GRIK5: variants seen among roughly 807,000 people sequenced by gnomAD.
The protein encoded by GRIK5 is glutamate ionotropic receptor kainate type subunit 5.
GRIK5 carries 43 observed loss-of-function variants against 97.4 expected under a neutral mutation model. The observed-to-expected ratio is 0.44, with a 90% CI of 0.35 to 0.57. The LOEUF (loss-of-function observed/expected upper bound fraction) is 0.57, where lower values mean the gene tolerates loss of function less well. Among genes scored for constraint, GRIK5 ranks in the 20% least tolerant of loss-of-function variants. The pLI, the probability that GRIK5 is intolerant of heterozygous loss-of-function variation, is 0.01. For missense variants in GRIK5, 1,015 were observed against 1,382.0 expected (o/e 0.73, Z 4.21); for synonymous variants, 580 against 583.5 (o/e 0.99, Z 0.09).
At chr19:42,059,764 C>T (rs868693528) in intron 5 of GRIK5, among the ~76,000 whole-genome samples, 1 of 152,130 alleles carries the variant, frequency 6.6e-6, no homozygotes, top group African/African-American at 2.4e-5. Context: ...CTGCCACCTT[C>T]CTGACCCCTC....
intron 15 of GRIK5, among the ~76,000 whole-genome samples, chr19:42,015,956 G>A (rs1213919995): frequency 1.3e-5 from 2 of 152,174 alleles, no homozygotes; most frequent in Non-Finnish European, 2.9e-5. Flanking sequence ...GCTATGCTAG[G>A]CACTGGGATG....
At chr19:42,059,589 C>T in intron 5 of GRIK5, 62 bp from the exon 6 acceptor site, 1 of 1,383,216 alleles carries the variant, frequency 7.2e-7, no homozygotes, top group East Asian at 2.3e-5. Context: ...GGCGTAGACA[C>T]TCTCTCCTCC....
chr19:42,001,592 T>C (rs1555870916), intron 19 of GRIK5, among the ~76,000 whole-genome samples: 1 of 152,074 alleles, frequency 6.6e-6, no homozygotes, highest in Non-Finnish European at 1.5e-5. Flanking sequence ...GAAACTAAAA[T>C]CCCATGGGGA....
intron 12 of GRIK5, among the ~76,000 whole-genome samples, chr19:42,028,161 C>T (rs1018020651): frequency 4.6e-5 from 7 of 152,136 alleles, no homozygotes; most frequent in African/African-American, 1.4e-4. Context: ...GATGACTTCC[C>T]CACCCTGACA....
intron 5 of GRIK5, 77 bp from the exon 6 acceptor site, chr19:42,059,604 C>G: frequency 7.9e-7 from 1 of 1,269,190 alleles, no homozygotes; most frequent in Non-Finnish European, 1.1e-6. Flanking sequence ...TCCTCCTCAA[C>G]ATGGGGCAGC....
chr19:42,065,740 C>A lies in GRIK5; in HGVS notation c.31G>T (p.Val11Phe), dbSNP rs199746652. 6.0e-5 allele frequency: 95 copies of A among 1,596,300 alleles called. No homozygotes were observed. The highest frequency in any genetic ancestry group is 5.2e-4 in the Middle Eastern group (3 of 5,810). Residue 11 changes from valine (V) to phenylalanine (F), a missense_variant, in exon 2 of 20, where the codon GTT becomes TTT. By Grantham distance (50) the Val-to-Phe change is conservative. Coordinates refer to ENST00000593562, the MANE Select transcript of GRIK5 (RefSeq NM_002088.5). This position sits in a 1 kb window ranked among gnomAD's most constrained non-coding sequence, Gnocchi z 5.8. ...TGGCAGCTGGGGCTGGCGAAGGCAA[C>A]AATCAGCAGCAGCAGCAGCTCAGCC... MPAELLLLLI[V>F]AFASPSCQVL...
intron 11 of GRIK5, among the ~76,000 whole-genome samples, chr19:42,046,298 G>A (rs988259872): frequency 6.6e-6 from 1 of 152,076 alleles, no homozygotes; most frequent in African/African-American, 2.4e-5. Context: ...AAAGAGACTG[G>A]GGCCTGTGAA....
Position 41,998,959 on chromosome 19 carries a change from C to G in GRIK5, c.2855G>C (p.Arg952Pro). 2 of 1,143,900 alleles carry G rather than the reference C, an allele frequency of 1.7e-6. No homozygotes were observed. The highest frequency in any genetic ancestry group is 2.1e-6 in the Non-Finnish European group (2 of 931,440). 70.9% of individuals were successfully genotyped at this position (1,143,900 alleles called of 1,614,324 possible). A position where few individuals can be genotyped will look rare whatever the true frequency, so the allele number is the denominator to read the frequency against. ...GGCTTCGGCGGGGACGCCCAGGCCA[C>G]GCGGAGGCGCGCCGGCCCCCGAGGC... The part of the protein sequence containing the change: ...LRASGAGAPP[R>P]GLGVPAEATS... Residue 952 changes from arginine (R) to proline (P), a missense_variant, in exon 20 of 20, where the codon CGT (arginine) becomes CCT (proline). Physicochemically the swap from Arg to Pro is moderately radical, Grantham distance 103. Coordinates refer to ENST00000593562, the MANE Select transcript of GRIK5 (RefSeq NM_002088.5).
intron 5 of GRIK5, among the ~76,000 whole-genome samples, chr19:42,060,774 T>C (rs938030171): frequency 6.6e-6 from 1 of 151,048 alleles, no homozygotes; most frequent in Non-Finnish European, 1.5e-5. Flanking sequence ...CTCCTTCCCC[T>C]CCTCCAGGTC....
At chr19:42,034,384 AAAT>A (rs753803859) in intron 12 of GRIK5, among the ~76,000 whole-genome samples, 1 of 152,122 alleles carries the variant, frequency 6.6e-6, no homozygotes, top group African/African-American at 2.4e-5. Flanking sequence ...AAAAACTAAA[AAAT>A]AATAATAAAA....
At chr19:42,038,618 C>G (rs2075938124) in intron 12 of GRIK5, among the ~76,000 whole-genome samples, 2 of 152,250 alleles carry the variant, frequency 1.3e-5, no homozygotes, top group Non-Finnish European at 2.9e-5. Context: ...TTCCCAAGTT[C>G]CCAGCTGGAG....
At chr19:42,048,543 C>G (rs1488931936) in intron 11 of GRIK5, among the ~76,000 whole-genome samples, 1 of 152,160 alleles carries the variant, frequency 6.6e-6, no homozygotes, top group South Asian at 2.1e-4. Context: ...TGGCGTGAAC[C>G]GAGGAGGCAG....
Position 42,003,205 on chromosome 19 carries a change from G to A in GRIK5, c.2514+127C>T, listed in dbSNP as rs2075444406. 1.2e-6 allele frequency: 1 copy of A among 803,262 alleles called. No homozygotes were observed. The highest frequency in any genetic ancestry group is 2.0e-6 in the Non-Finnish European group (1 of 496,086). 49.8% of individuals were successfully genotyped at this position (803,262 alleles called of 1,614,324 possible). ...CAGCTCTCTTACTTCCCCACCTCCT[G>A]CATTCCTCTGCCCCCTTCTCGCGAT... On this transcript the variant is annotated intron_variant, in intron 19 of 19. Coordinates refer to ENST00000593562, the MANE Select transcript of GRIK5 (RefSeq NM_002088.5). This position sits in a 1 kb window ranked among gnomAD's most constrained non-coding sequence, Gnocchi z 4.2.
Position 42,042,535 on chromosome 19 carries a change from C to A in GRIK5, c.1473+17G>T. On this transcript the variant is annotated intron_variant, in intron 12 of 19. Coordinates refer to ENST00000593562, the MANE Select transcript of GRIK5 (RefSeq NM_002088.5). The surrounding 1 kb of genome is among the most constrained non-coding windows in gnomAD (Gnocchi z 6.9). ...CGCCGGGTCCATGCATCTTTCCCGG[C>A]CCCAGTCCAGCCATACCCGGTTGAT... is the stretch of plus-strand genomic sequence containing the variant. 1.3e-6 allele frequency: 2 copies of A among 1,595,722 alleles called. No homozygotes were observed.
chr19:42,054,571 C>G (rs1283581910), intron 8 of GRIK5, 99 bp from the exon 9 acceptor site: 2 of 1,354,576 alleles, frequency 1.5e-6, no homozygotes, highest in East Asian at 4.8e-5. Context: ...CCTCAAATAA[C>G]TTCCCTCTCC....
At chr19:42,063,831 G>A (rs1465671929) in intron 3 of GRIK5, among the ~76,000 whole-genome samples, 2 of 152,162 alleles carry the variant, frequency 1.3e-5, no homozygotes, top group East Asian at 1.9e-4. Flanking sequence ...TTGTCCTTAG[G>A]TCTTTTAGTG....
chr19:42,054,922 C>A (rs555769785), intron 8 of GRIK5, among the ~76,000 whole-genome samples: 1 of 152,070 alleles, frequency 6.6e-6, no homozygotes, highest in East Asian at 1.9e-4. Context: ...GAGGCAGGAG[C>A]ATATAATGAT....
In GRIK5 at chr19:42,054,420, C is replaced by T. The variant is rs528023295; in HGVS notation, c.956G>A (p.Arg319Gln). The change falls in exon 9 of 20, where the codon CGA becomes CAA. Residue 319 changes from arginine (R) to glutamine (Q), a missense_variant. By Grantham distance (43) the Arg-to-Gln change is conservative. Coordinates refer to ENST00000593562, the MANE Select transcript of GRIK5 (RefSeq NM_002088.5). ...GATCTCCTGGCTGCGGTTCAGCTCT[C>T]GGACAGCGCTCACCACCACGTGCAC... ...DAVHVVVSAV[R>Q]ELNRSQEIGV... is the part of the protein sequence containing the mutation. 5.0e-6 allele frequency: 8 copies of T among 1,613,648 alleles called. No individual in the cohort carries two copies. Among genetic ancestry groups the T allele is most frequent in the East Asian group, 4.5e-5 (2 of 44,878 alleles).
At chr19:42,026,508 C>G (rs2075773497) in intron 12 of GRIK5, among the ~76,000 whole-genome samples, 1 of 152,048 alleles carries the variant, frequency 6.6e-6, no homozygotes, top group Non-Finnish European at 1.5e-5. Context: ...CCTGCCTCAG[C>G]CTCCCAAAGT....
Sources: gnomAD v4.1 joint callset for allele counts (sites outside exome capture counted in the v4.1 genomes callset) on GRCh38, gnomAD v4.1.1 for gene constraint, Gnocchi (gnomAD v3.1) non-coding constraint, MANE v1.5 for transcripts, NCBI Gene and HGNC (gene_info 2026-07-23, HGNC 2026-07-21) for gene names.